The following ABI3BP variants were observed in gnomAD, a reference collection of about 807,000 sequenced individuals.
The protein encoded by ABI3BP is ABI family member 3 binding protein.
In ABI3BP, 216 loss-of-function variants were observed where a neutral mutation model predicts 268.6. That is an observed-to-expected ratio of 0.80 (90% confidence interval 0.72 to 0.90). ABI3BP has a LOEUF of 0.90. Among genes scored for constraint, ABI3BP ranks in the 40% least tolerant of loss-of-function variants. The probability of loss-of-function intolerance (pLI) is 0.00; values close to 1 mark genes in which losing one functional copy is unlikely to be tolerated. For missense variants in ABI3BP, 2,090 were observed against 2,182.4 expected, an observed-to-expected ratio of 0.96 and a Z score of 0.84; for synonymous variants, 730 against 730.0, an observed-to-expected ratio of 1.00 and a Z score of 0.00.
chr3:100,766,209 G>A (rs2096263209), intron 62 of ABI3BP, among the ~76,000 whole-genome samples: 1 of 152,200 alleles, frequency 6.6e-6, no homozygotes, highest in Admixed American at 6.5e-5. Context: ...CTGGTAACTG[G>A]TGAAGACCCA....
intron 6 of ABI3BP, among the ~76,000 whole-genome samples, chr3:100,884,047 A>G (rs1322263600): frequency 6.6e-6 from 1 of 152,216 alleles, no homozygotes; most frequent in Non-Finnish European, 1.5e-5. Context: ...GAAAATTGCA[A>G]ATATAGTATG....
intron 55 of ABI3BP, 50 bp from the exon 56 acceptor site, chr3:100,789,566 C>T: frequency 6.5e-7 from 1 of 1,533,602 alleles, no homozygotes; most frequent in Non-Finnish European, 8.8e-7. Context: ...CCAAAGCCTC[C>T]TGAATGGAGA....
chr3:100,812,144 A>G (rs1248868851), intron 46 of ABI3BP, among the ~76,000 whole-genome samples: 1 of 152,060 alleles, frequency 6.6e-6, no homozygotes, highest in African/African-American at 2.4e-5. Context: ...GTACTTGGAG[A>G]GCAAAAGCAC....
chr3:100,806,250 G>A (rs1011591767), intron 50 of ABI3BP, among the ~76,000 whole-genome samples: 3 of 151,978 alleles, frequency 2.0e-5, no homozygotes, highest in African/African-American at 4.8e-5. Flanking sequence ...AATTTGTTGC[G>A]CTTTAAGTTG....
At chr3:100,767,285 G>T (rs1180143553) in intron 62 of ABI3BP, among the ~76,000 whole-genome samples, 1 of 152,176 alleles carries the variant, frequency 6.6e-6, no homozygotes, top group African/African-American at 2.4e-5. Flanking sequence ...CCAAGAGGAG[G>T]ATGATTTTTT....
At chr3:100,960,345 G>A (rs1479744711) in intron 1 of ABI3BP, among the ~76,000 whole-genome samples, 2 of 152,162 alleles carry the variant, frequency 1.3e-5, no homozygotes, top group Admixed American at 1.3e-4. Flanking sequence ...TGTTTGAAGA[G>A]AGAAATACTC....
intron 61 of ABI3BP, 83 bp downstream of exon 61, chr3:100,774,522 G>A (rs1232631797): frequency 3.5e-6 from 4 of 1,143,486 alleles, no homozygotes; most frequent in Non-Finnish European, 4.9e-6. Context: ...AAGATTTGTG[G>A]TTTTTTACAC....
rs1356454037 is a variant in ABI3BP at position 100,846,285 on chromosome 3, A to G, written c.1723+87T>C. On this transcript the variant is annotated intron_variant, in intron 20 of 67. Transcript: ENST00000471714. ...AAAAATGTAACAAATGTCAAAATAT[A>G]AATCAGAAATTCTTGCTCCAAATAA... The G allele has an allele frequency of 7.6e-6, 7 of 924,328 alleles. No individual in the cohort carries two copies. The East Asian group carries it at 1.9e-4, about 25-fold the overall frequency. 57.3% of individuals were successfully genotyped at this position (924,328 alleles called of 1,614,324 possible).
chr3:100,895,634 G>A (rs929009853), intron 4 of ABI3BP, among the ~76,000 whole-genome samples: 1 of 152,144 alleles, frequency 6.6e-6, no homozygotes, highest in Admixed American at 6.5e-5. Flanking sequence ...AGCAAGCCAA[G>A]TGCATTCAGA....
At chr3:100,832,982 T>G (rs186259785) in intron 30 of ABI3BP, 143 bp downstream of exon 30, 1 of 713,226 alleles carries the variant, frequency 1.4e-6, no homozygotes, top group African/African-American at 1.8e-5. Context: ...CATATTTCTT[T>G]AAAAAGCAAG....
At chr3:100,758,008 CT>C (rs989417780) in intron 63 of ABI3BP, among the ~76,000 whole-genome samples, 5 of 152,066 alleles carry the variant, frequency 3.3e-5, no homozygotes, top group Admixed American at 6.6e-5. Flanking sequence ...GCTGTCAAGC[CT>C]TTTGGCCCCA....
intron 44 of ABI3BP, among the ~76,000 whole-genome samples, chr3:100,814,656 G>A (rs1043209225): frequency 4.6e-5 from 7 of 152,084 alleles, no homozygotes; most frequent in East Asian, 3.9e-4. Context: ...GAGGTAAAAT[G>A]TGTCCTTTCT....
chr3:100,901,559 G>A (rs13092605), intron 3 of ABI3BP, among the ~76,000 whole-genome samples: 17,945 of 151,914 alleles, frequency 0.12, 1,223 homozygotes, highest in Non-Finnish European at 0.15. Flanking sequence ...AGGTCAGGAG[G>A]TCGAGACTGT....
chr3:100,920,740 G>T (rs1029168791), intron 2 of ABI3BP, among the ~76,000 whole-genome samples: 1 of 152,102 alleles, frequency 6.6e-6, no homozygotes, highest in Admixed American at 6.5e-5. Flanking sequence ...TTCTTTATAT[G>T]ATTCAGCCAT....
chr3:100,855,201 C>T (rs1206388216), intron 14 of ABI3BP, among the ~76,000 whole-genome samples: 1 of 152,198 alleles, frequency 6.6e-6, no homozygotes, highest in Non-Finnish European at 1.5e-5. Flanking sequence ...GCTGGGATTA[C>T]AGGCACAAGC....
chr3:100,853,283 A>G (rs185632327), intron 14 of ABI3BP, among the ~76,000 whole-genome samples: 19 of 152,334 alleles, frequency 1.2e-4, no homozygotes, highest in Middle Eastern at 3.4e-3. Context: ...TGCATCTATT[A>G]TATTGTAATG....
rs371718078 is a variant in ABI3BP at position 100,761,476 on chromosome 3, C to G, written c.4850+4365G>C. On this transcript the variant is annotated intron_variant, in intron 63 of 67. Transcript: ENST00000471714. ...CCTTTGGAGCTGCACCCATGTGGCT[C>G]TCTATTGACAAGAATGTCTAATGCC... Among the ~76,000 whole-genome samples, 3 of 152,248 alleles carry G rather than the reference C, an allele frequency of 2.0e-5. No individual in the cohort carries two copies. In the East Asian group the frequency reaches 5.8e-4, roughly 29 times the overall value.
In ABI3BP at chr3:100,811,731, C is replaced by T. The variant is rs541183844; in HGVS notation, c.3490G>A (p.Glu1164Lys). ...AAAGCATTAAAACCTTTGCTACCTT[C>T]AGTCTTTGGCTCCTCTGGCCAGAGT... ...APLWPEEPKT[E>K]VVESITYVSE... Residue 1164 changes from glutamate (E) to lysine (K), a missense_variant, in exon 47 of 68, where the codon GAA becomes AAA. By Grantham distance (56) the Glu-to-Lys change is moderately conservative. Transcript: ENST00000471714. The T allele has an allele frequency of 2.0e-4, 310 of 1,535,252 alleles. 2 individuals carry two copies. In the South Asian group the frequency reaches 3.5e-3, roughly 17 times the overall value.
Position 100,765,840 on chromosome 3 carries a change from C to T in ABI3BP, c.4850+1G>A. 1.3e-6 allele frequency: 2 copies of T among 1,599,850 alleles called. No individual in the cohort carries two copies. The highest frequency in any genetic ancestry group is 8.5e-7 in the Non-Finnish European group (1 of 1,170,466). Reference sequence around the variant, plus strand: ...TACCTGGAATAGCACTGGTGGCTTACCTCGTGTTTGGTTTCAGATTTTCTA... The same window carrying T: ...TACCTGGAATAGCACTGGTGGCTTATCTCGTGTTTGGTTTCAGATTTTCTA... On this transcript the variant is annotated splice_donor_variant, in intron 63 of 67. Coordinates refer to ENST00000471714, the MANE Select transcript of ABI3BP (RefSeq NM_001375547.2). LOFTEE classifies it high-confidence loss of function.
Sources: allele counts gnomAD v4.1 joint callset (sites outside exome capture counted in the v4.1 genomes callset), GRCh38; gene constraint gnomAD v4.1.1; transcripts MANE v1.5; gene names NCBI Gene and HGNC (gene_info 2026-07-23, HGNC 2026-07-21).